Variants in METTL5 observed in about 807,000 individuals in gnomAD.
METTL5 encodes methyltransferase 5, N6-adenosine.
In METTL5, 28 loss-of-function variants were observed where a neutral mutation model predicts 26.5. The observed-to-expected ratio is 1.06, with a 90% confidence interval of 0.78 to 1.45. The LOEUF is 1.45. METTL5 is among the 40% of genes most tolerant of loss of function. The pLI is 0.00. For synonymous variants in METTL5, 86 were observed against 82.6 expected (o/e 1.04, Z -0.22); for missense variants, 231 against 249.9 (o/e 0.92, Z 0.51).
In METTL5 at chr2:169,819,605, C is replaced by T; in HGVS notation, c.445G>A (p.Ala149Thr). ...MAFLKTALEMARTAVYSLHKS... is the reference protein window; with the variant it reads ...MAFLKTALEMTRTAVYSLHKS... ...TGTAAGGAATATACTGCTGTTCTTG[C>T]CATTTCCAAAGCAGTCTTTAGAAAA... The change falls in exon 4 of 7, where the codon GCA becomes ACA. Residue 149 changes from alanine to threonine, a missense_variant. Ala to Thr is a moderately conservative substitution (Grantham distance 58, BLOSUM62 0). Transcript: ENST00000260953. 6.2e-7 allele frequency: 1 copy of T among 1,613,148 alleles called. No homozygotes were observed. Among genetic ancestry groups the T allele is most frequent in the Non-Finnish European group, 8.5e-7 (1 of 1,179,562 alleles).
chr2:169,824,730 G>A lies in METTL5; in HGVS notation c.-133C>T. The A allele has an allele frequency of 1.4e-6, 1 of 703,646 alleles. No individual in the cohort carries two copies. The highest frequency in any genetic ancestry group is 2.4e-6 in the Non-Finnish European group (1 of 412,478). The allele number at this position is 703,646 out of a possible 1,614,324, so 43.6% of individuals were successfully genotyped here. ...AGCACCGCTGGCCGGACCCGAAGACGCGCCCTAAGGAGACGCCCGGACGCA... is the reference window on the plus strand; with the variant it reads ...AGCACCGCTGGCCGGACCCGAAGACACGCCCTAAGGAGACGCCCGGACGCA... On this transcript the variant is annotated 5_prime_UTR_variant, in exon 1 of 7. Coordinates refer to ENST00000260953, the MANE Select transcript of METTL5 (RefSeq NM_014168.4).
At chr2:169,812,365 C>G (rs565074265) in intron 6 of METTL5, 92 bp downstream of exon 6, 12 of 1,607,810 alleles carry the variant, frequency 7.5e-6, no homozygotes, top group Admixed American at 6.7e-5. Flanking sequence ...CTCAGCCTCC[C>G]GAGTAGCTGG....
chr2:169,821,414 T>A, intron 2 of METTL5, 141 bp from the exon 3 acceptor site: 1 of 649,470 alleles, frequency 1.5e-6, no homozygotes, highest in Non-Finnish European at 2.5e-6. Context: ...TCTTCTTTTT[T>A]TTTTTCTTTT....
intron 6 of METTL5, 62 bp from the exon 7 acceptor site, chr2:169,811,920 T>C: frequency 6.5e-7 from 1 of 1,537,860 alleles, no homozygotes; most frequent in Non-Finnish European, 9.0e-7. Context: ...AAATGAGATT[T>C]CTTTGAATGT....
intron 4 of METTL5, 118 bp from the exon 5 acceptor site, chr2:169,815,646 C>A: frequency 1.5e-6 from 1 of 662,926 alleles, no homozygotes; most frequent in Non-Finnish European, 2.4e-6. Flanking sequence ...GAATCTAGAC[C>A]CTTATAAAAA....
At chr2:169,824,417 CTG>C (rs1308015602) in intron 1 of METTL5, 70 bp downstream of exon 1, 18 of 1,171,802 alleles carry the variant, frequency 1.5e-5, no homozygotes, top group Non-Finnish European at 2.2e-5. Flanking sequence ...ATCCAAATAA[CTG>C]TTCTATTTTT....
At chr2:169,812,332 C>T (rs1558974630) in intron 6 of METTL5, 125 bp downstream of exon 6, 1 of 1,559,062 alleles carries the variant, frequency 6.4e-7, no homozygotes, top group Non-Finnish European at 8.8e-7. Context: ...CCTCTGCCTC[C>T]TGAGTTCAAG....
Position 169,824,497 on chromosome 2 carries a change from T to G in METTL5, c.101A>C (p.His34Pro). The change falls in exon 1 of 7, where the codon CAC becomes CCC. Residue 34 changes from histidine to proline, a missense_variant. By Grantham distance (77) the His-to-Pro change is moderately conservative. Coordinates refer to ENST00000260953, the MANE Select transcript of METTL5 (RefSeq NM_014168.4). ...LLLEQYPTRPHIAACMLYTIH... is the reference protein window; with the variant it reads ...LLLEQYPTRPPIAACMLYTIH... Reference sequence around the variant, plus strand: ...TGAACCAGCCGCCCTACCTGCAATGTGCGGCCTGGTAGGATACTGTTCCAG... The same window carrying G: ...TGAACCAGCCGCCCTACCTGCAATGGGCGGCCTGGTAGGATACTGTTCCAG... 2 of 1,613,852 alleles carry G rather than the reference T, an allele frequency of 1.2e-6. No homozygotes were observed. Among genetic ancestry groups the G allele is most frequent in the Non-Finnish European group, 1.7e-6 (2 of 1,179,686 alleles).
intron 3 of METTL5, among the ~76,000 whole-genome samples, chr2:169,820,121 C>G (rs563555455): frequency 3.1e-4 from 47 of 152,164 alleles, no homozygotes; most frequent in Non-Finnish European, 3.7e-4. Context: ...CCATGCCTGG[C>G]TCATTTTGTA....
intron 5 of METTL5, among the ~76,000 whole-genome samples, chr2:169,815,108 G>C (rs1690100991): frequency 1.3e-5 from 2 of 151,194 alleles, no homozygotes. Flanking sequence ...GGCCAGGCTG[G>C]TCTTGAGCTC....
chr2:169,824,644 C>T lies in METTL5; in HGVS notation c.-47G>A. ...GTAGGGTTTGAAGGCACAGGATCTG[C>T]GGAGAAATCTATTGAACTGGGATCT... On this transcript the variant is annotated 5_prime_UTR_variant, in exon 1 of 7. Transcript: ENST00000260953. The T allele has an allele frequency of 7.1e-7, 1 of 1,401,558 alleles. No individual in the cohort carries two copies. The highest frequency in any genetic ancestry group is 1.0e-6 in the Non-Finnish European group (1 of 986,598). 86.8% of individuals were successfully genotyped at this position (1,401,558 alleles called of 1,614,324 possible).
At chr2:169,817,097 A>C (rs959202412) in intron 4 of METTL5, among the ~76,000 whole-genome samples, 2 of 152,208 alleles carry the variant, frequency 1.3e-5, no homozygotes, top group African/African-American at 4.8e-5. Context: ...TACAAGAAAA[A>C]AAAACCCATC....
intron 4 of METTL5, among the ~76,000 whole-genome samples, chr2:169,817,475 T>C (rs956430394): frequency 1.3e-5 from 2 of 152,166 alleles, no homozygotes; most frequent in Non-Finnish European, 2.9e-5. Flanking sequence ...TAAAGACACA[T>C]GCACATGTAT....
At chr2:169,816,768 G>A (rs1025468868) in intron 4 of METTL5, among the ~76,000 whole-genome samples, 8 of 152,094 alleles carry the variant, frequency 5.3e-5, no homozygotes, top group Non-Finnish European at 1.0e-4. Flanking sequence ...AACTGGATCC[G>A]TTCCTTACAC....
At chr2:169,822,508 T>C (rs375921886) in intron 1 of METTL5, among the ~76,000 whole-genome samples, 3 of 152,220 alleles carry the variant, frequency 2.0e-5, no homozygotes, top group African/African-American at 4.8e-5. Context: ...ATTTCCAAAA[T>C]TGTTTTGAAA....
At chr2:169,815,868 A>G (rs1343898297) in intron 4 of METTL5, among the ~76,000 whole-genome samples, 1 of 152,220 alleles carries the variant, frequency 6.6e-6, no homozygotes, top group Non-Finnish European at 1.5e-5. Context: ...TGATGTAGCT[A>G]TCTTGACATC....
intron 1 of METTL5, 53 bp from the exon 2 acceptor site, chr2:169,822,110 A>C: frequency 6.4e-7 from 1 of 1,564,014 alleles, no homozygotes; most frequent in Non-Finnish European, 8.6e-7. Context: ...CTAAAATCTA[A>C]TTTGTGCAAA....
intron 1 of METTL5, among the ~76,000 whole-genome samples, chr2:169,822,396 G>A (rs1356815131): frequency 6.6e-6 from 1 of 152,008 alleles, no homozygotes; most frequent in Non-Finnish European, 1.5e-5. Context: ...TACTCATATC[G>A]GTTCTTTCTT....
At chr2:169,815,580 T>A (rs1294743540) in intron 4 of METTL5, 52 bp from the exon 5 acceptor site, 4 of 1,386,528 alleles carry the variant, frequency 2.9e-6, no homozygotes, top group East Asian at 2.3e-5. Context: ...AATGATTTTT[T>A]AAAATTGCTT....
Sources: allele counts gnomAD v4.1 joint callset (sites outside exome capture counted in the v4.1 genomes callset), GRCh38; gene constraint gnomAD v4.1.1; transcripts MANE v1.5; gene names NCBI Gene and HGNC (gene_info 2026-07-23, HGNC 2026-07-21).